The following FILIP1 variants were observed in gnomAD, a reference collection of about 807,000 sequenced individuals.
FILIP1 encodes the protein filamin A interacting protein 1, also known as filamin-A-interacting protein 1.
A neutral mutation model predicts 102.1 loss-of-function variants in FILIP1; 61 were observed. The ratio of observed to expected loss-of-function variants is 0.60; its 90% confidence interval spans 0.49 to 0.74. The LOEUF (loss-of-function observed/expected upper bound fraction) is 0.74, where lower values mean the gene tolerates loss of function less well. Among genes scored for constraint, FILIP1 ranks in the 30% least tolerant of loss-of-function variants. FILIP1 has a pLI of 0.00. For missense variants in FILIP1, 1,314 were observed against 1,441.2 expected (o/e 0.91, Z 1.43); for synonymous variants, 491 against 526.9 (o/e 0.93, Z 0.93).
At chr6:75,457,199 A>T (rs999839870) in intron 1 of FILIP1, among the ~76,000 whole-genome samples, 2 of 152,210 alleles carry the variant, frequency 1.3e-5, no homozygotes, top group African/African-American at 4.8e-5. Context: ...GGAAATAAAA[A>T]AATGCCAGAC....
At chr6:75,303,483 G>C (rs949865542), downstream of FILIP1, among the ~76,000 whole-genome samples, 1 of 152,102 alleles carries the variant, frequency 6.6e-6, no homozygotes, top group African/African-American at 2.4e-5. Context: ...TAGATATCTT[G>C]GTCATTGAGG....
At chr6:75,360,195 T>C (rs527595999) in intron 3 of FILIP1, among the ~76,000 whole-genome samples, 1 of 152,276 alleles carries the variant, frequency 6.6e-6, no homozygotes, top group Admixed American at 6.5e-5. Flanking sequence ...ATGCCCAAAA[T>C]CTCTGCTTCA....
intron 1 of FILIP1, among the ~76,000 whole-genome samples, chr6:75,435,003 T>C (rs868712828): frequency 8.5e-5 from 13 of 152,364 alleles, no homozygotes; most frequent in African/African-American, 3.1e-4. Flanking sequence ...GATCTGTGTA[T>C]GTTGAACCAG....
At chr6:75,310,277 TGGC>T (rs1363039691) in intron 5 of FILIP1, among the ~76,000 whole-genome samples, 1 of 152,244 alleles carries the variant, frequency 6.6e-6, no homozygotes, top group Non-Finnish European at 1.5e-5. Flanking sequence ...CCTTCTCCAT[TGGC>T]TCCTTTGTAC....
chr6:75,345,554 G>A (rs1031999833), intron 4 of FILIP1, among the ~76,000 whole-genome samples: 4 of 151,948 alleles, frequency 2.6e-5, no homozygotes, highest in South Asian at 2.1e-4. Context: ...AGCTGGTGCC[G>A]GCCAAGTGGA....
chr6:75,325,508 A>C (rs1028765558), intron 4 of FILIP1, among the ~76,000 whole-genome samples: 5 of 152,318 alleles, frequency 3.3e-5, no homozygotes, highest in African/African-American at 1.2e-4. Flanking sequence ...ACAAAGGACT[A>C]ATATCCAGAA....
At chr6:75,298,311 TGCTAAATAA>T (rs1423001820) in intron 6 of FILIP1, among the ~76,000 whole-genome samples, 17 of 152,364 alleles carry the variant, frequency 1.1e-4, no homozygotes, top group Non-Finnish European at 2.1e-4. Flanking sequence ...TACTTGATAA[TGCTAAATAA>T]GAGTTTATCT....
chr6:75,485,794 A>C (rs1779766331), intron 1 of FILIP1, among the ~76,000 whole-genome samples: 1 of 152,192 alleles, frequency 6.6e-6, no homozygotes, highest in South Asian at 2.1e-4. Flanking sequence ...ATGGCTGAAA[A>C]GCGTCAGGCA....
At chr6:75,351,018 A>G (rs1249585893) in intron 4 of FILIP1, among the ~76,000 whole-genome samples, 2 of 152,166 alleles carry the variant, frequency 1.3e-5, no homozygotes, top group African/African-American at 4.8e-5. Flanking sequence ...GACTGCATAT[A>G]TGATGGTGGT....
chr6:75,309,000 C>A (rs933614438), intron 5 of FILIP1, 103 bp from the exon 6 acceptor site: 1 of 1,212,926 alleles, frequency 8.2e-7, no homozygotes, highest in Non-Finnish European at 1.2e-6. Flanking sequence ...CACAGGAACA[C>A]CCACAGAAGA....
intron 5 of FILIP1, 72 bp downstream of exon 5, chr6:75,312,325 G>T: frequency 4.1e-6 from 6 of 1,451,274 alleles, no homozygotes; most frequent in Non-Finnish European, 5.6e-6. Context: ...TTTTACTGTG[G>T]GTGCTGGGTA....
At chr6:75,295,899 G>T (rs780112347) in exon 7 of FILIP1, 32 of 1,451,924 alleles carry the variant, frequency 2.2e-5, no homozygotes, top group African/African-American at 1.5e-5. Flanking sequence ...GTATGTGCTT[G>T]GTTTACCATT....
chr6:75,490,766 T>C (rs1394906334), intron 1 of FILIP1, among the ~76,000 whole-genome samples: 2 of 152,204 alleles, frequency 1.3e-5, no homozygotes, highest in African/African-American at 4.8e-5. Flanking sequence ...GGTACATGAG[T>C]GTAGTTAAAA....
intron 1 of FILIP1, among the ~76,000 whole-genome samples, chr6:75,453,703 T>C (rs1397247681): frequency 6.6e-6 from 1 of 152,130 alleles, no homozygotes; most frequent in African/African-American, 2.4e-5. Context: ...TCCTAGCTAC[T>C]CTGGAGGCTG....
intron 6 of FILIP1, among the ~76,000 whole-genome samples, chr6:75,302,777 C>T (rs981464382): frequency 6.6e-6 from 1 of 151,754 alleles, no homozygotes; most frequent in Non-Finnish European, 1.5e-5. Context: ...TAATAAGGAA[C>T]TTTTGGGCGG....
At chr6:75,404,487 C>T (rs549396400) in intron 2 of FILIP1, among the ~76,000 whole-genome samples, 4 of 152,280 alleles carry the variant, frequency 2.6e-5, no homozygotes, top group South Asian at 2.1e-4. Flanking sequence ...CTCCTTTACA[C>T]GCAGGCTTCT....
At chr6:75,334,385 T>C (rs1200905095) in intron 4 of FILIP1, among the ~76,000 whole-genome samples, 1 of 152,140 alleles carries the variant, frequency 6.6e-6, no homozygotes, top group African/African-American at 2.4e-5. Context: ...AAAGTCACAA[T>C]GAGCTGGTAA....
At chr6:75,326,717 A>C (rs1326913077) in intron 4 of FILIP1, among the ~76,000 whole-genome samples, 1 of 152,206 alleles carries the variant, frequency 6.6e-6, no homozygotes, top group East Asian at 1.9e-4. Flanking sequence ...ATGACTAAGA[A>C]GGTTGGGATT....
At chr6:75,439,767 G>A (rs1167077725) in intron 1 of FILIP1, among the ~76,000 whole-genome samples, 3 of 152,204 alleles carry the variant, frequency 2.0e-5, no homozygotes, top group African/African-American at 7.2e-5. Flanking sequence ...CTCTAGGTTA[G>A]AAAGACCACA....
Sources: allele counts gnomAD v4.1 joint callset (sites outside exome capture counted in the v4.1 genomes callset), GRCh38; gene constraint gnomAD v4.1.1; transcripts MANE v1.5; gene names NCBI Gene and HGNC (gene_info 2026-07-23, HGNC 2026-07-21).